The following PRKN variants were observed in gnomAD, a reference collection of about 807,000 sequenced individuals.
PRKN encodes the protein E3 ubiquitin-protein ligase parkin.
A neutral mutation model predicts 59.5 loss-of-function variants in PRKN; 56 were observed. That is an observed-to-expected ratio of 0.94 (90% CI 0.76 to 1.18). The LOEUF (loss-of-function observed/expected upper bound fraction) is 1.18, where lower values mean the gene tolerates loss of function less well. Ranked by LOEUF, PRKN falls within the 50% of genes most tolerant of loss-of-function variation. The pLI is 0.00. For missense variants in PRKN, 657 were observed against 596.4 expected (o/e 1.10, Z -1.06); for synonymous variants, 250 against 222.1 (o/e 1.13, Z -1.12).
At position 162,158,544 on chromosome 6, in the gene PRKN, G is replaced by A. The variant is rs1174305494; in HGVS notation, c.534+42587C>T. On this transcript the variant is annotated intron_variant, in intron 4 of 11. Transcript: ENST00000366898. ...CCTCCCGGGTTTAAGCAATTCTCCTGCCTCATCCTCCAGAGTAGCTGGGAC... is the reference window on the plus strand; with the variant it reads ...CCTCCCGGGTTTAAGCAATTCTCCTACCTCATCCTCCAGAGTAGCTGGGAC... Among the ~76,000 whole-genome samples the A allele has an allele frequency of 1.3e-5, 2 of 151,640 alleles. 1 individual carries two copies. The highest frequency in any genetic ancestry group is 4.9e-5 in the African/African-American group (2 of 41,120).
chr6:162,472,470 T>TATATATATATATATATATA (rs1240412577), intron 1 of PRKN, among the ~76,000 whole-genome samples: 1 of 124,138 alleles, frequency 8.1e-6, no homozygotes, highest in Non-Finnish European at 1.7e-5. Context: ...TTATTTTATT[T>TATATATATATATATATATA]TATTTTATTT....
At chr6:162,323,747 C>T (rs953138181) in intron 2 of PRKN, among the ~76,000 whole-genome samples, 1 of 152,028 alleles carries the variant, frequency 6.6e-6, no homozygotes, top group South Asian at 2.1e-4. Context: ...AAAGGCTAAT[C>T]ATACCAAATA....
At chr6:162,598,619 G>C (rs561406626) in intron 1 of PRKN, among the ~76,000 whole-genome samples, 1 of 152,200 alleles carries the variant, frequency 6.6e-6, no homozygotes, top group South Asian at 2.1e-4. Flanking sequence ...TTGGGAGGTC[G>C]AGGCGGGCGG....
At chr6:161,888,294 C>A (rs1269188475) in intron 6 of PRKN, among the ~76,000 whole-genome samples, 2 of 152,126 alleles carry the variant, frequency 1.3e-5, no homozygotes, top group Non-Finnish European at 2.9e-5. Context: ...TACCTTCTAC[C>A]CATTCATGTT....
intron 2 of PRKN, among the ~76,000 whole-genome samples, chr6:162,384,018 C>T (rs943716785): frequency 1.3e-5 from 2 of 152,198 alleles, no homozygotes; most frequent in African/African-American, 4.8e-5. Context: ...TGAATCAGGT[C>T]TTGGCTCAAT....
At chr6:161,553,080 T>A (rs1780101956) in intron 8 of PRKN, among the ~76,000 whole-genome samples, 1 of 152,172 alleles carries the variant, frequency 6.6e-6, no homozygotes, top group Admixed American at 6.5e-5. Flanking sequence ...TTTTTCTTTA[T>A]CACTCAAGGT....
At position 161,396,814 on chromosome 6, in the gene PRKN, C is replaced by G. The variant is rs976850214; in HGVS notation, c.1084-9937G>C. 1.2e-4 allele frequency among the ~76,000 whole-genome samples: 19 copies of G among 152,168 alleles called. No individual in the cohort carries two copies. The highest frequency in any genetic ancestry group is 1.8e-4 in the Non-Finnish European group (12 of 68,040). Reference sequence around the variant, plus strand: ...GAAATGCTTTCCCTGAATACCTGGGCCCGCCCTGGGCAACTTGGGGCAAGG... The same window carrying G: ...GAAATGCTTTCCCTGAATACCTGGGGCCGCCCTGGGCAACTTGGGGCAAGG... On this transcript the variant is annotated intron_variant, in intron 9 of 11. Transcript: ENST00000366898. The surrounding 1 kb of genome is among the most constrained non-coding windows in gnomAD (Gnocchi z 5.4).
intron 1 of PRKN, among the ~76,000 whole-genome samples, chr6:162,599,614 T>G (rs1306574042): frequency 1.3e-5 from 2 of 152,140 alleles, no homozygotes; most frequent in Non-Finnish European, 2.9e-5. Context: ...CGTGGGTTAT[T>G]CAGTGACAGA....
At chr6:162,092,260 C>G (rs1290600313) in intron 4 of PRKN, among the ~76,000 whole-genome samples, 3 of 152,046 alleles carry the variant, frequency 2.0e-5, no homozygotes, top group Non-Finnish European at 2.9e-5. Context: ...GAGGCTGAGG[C>G]AGGAGAATCA....
Position 161,396,313 on chromosome 6 carries a change from T to C in PRKN, c.1084-9436A>G, listed in dbSNP as rs1583016137. Among the ~76,000 whole-genome samples the C allele has an allele frequency of 6.6e-6, 1 of 152,118 alleles. No individual in the cohort carries two copies. Among genetic ancestry groups the C allele is most frequent in the Non-Finnish European group, 1.5e-5 (1 of 68,028 alleles). On this transcript the variant is annotated intron_variant, in intron 9 of 11. Transcript: ENST00000366898. The surrounding 1 kb of genome is among the most constrained non-coding windows in gnomAD (Gnocchi z 5.4). ...CTTGTTCAATGATATGTTCACACCA[T>C]CCTGTTCATCTAAACAAACTTCTTG...
In PRKN at chr6:161,469,335, A is replaced by AT. The variant is rs1412247955; in HGVS notation, c.1083+79518dup. Among the ~76,000 whole-genome samples, 3 of 152,132 alleles carry AT rather than the reference A, an allele frequency of 2.0e-5. No individual in the cohort carries two copies. In the South Asian group the frequency reaches 6.2e-4, roughly 31 times the overall value. ...CTGTGAAGAGGTGCCTTCCGCCATG[A>AT]TGTAAGTTTCCTGAGGCCTCCCTAG... On this transcript the variant is annotated intron_variant, in intron 9 of 11. Transcript: ENST00000366898.
chr6:162,722,975 G>C (rs1262114217), intron 1 of PRKN, among the ~76,000 whole-genome samples: 1 of 152,122 alleles, frequency 6.6e-6, no homozygotes, highest in African/African-American at 2.4e-5. Flanking sequence ...GAAGCTTTGG[G>C]GTACTTAGGC....
intron 7 of PRKN, among the ~76,000 whole-genome samples, chr6:161,611,095 G>T (rs10945759): frequency 0.49 from 74,198 of 151,954 alleles, 19,313 homozygotes; most frequent in East Asian, 0.65. Context: ...TGTGGTTTTT[G>T]TCTGGTTTTA....
intron 2 of PRKN, among the ~76,000 whole-genome samples, chr6:162,408,941 C>T (rs1003111473): frequency 6.6e-6 from 1 of 151,094 alleles, no homozygotes; most frequent in Non-Finnish European, 1.5e-5. Flanking sequence ...CCCAGCTTTC[C>T]CTCTGCCTTC....
intron 3 of PRKN, among the ~76,000 whole-genome samples, chr6:162,243,337 T>C (rs1219040123): frequency 6.6e-6 from 1 of 152,124 alleles, no homozygotes; most frequent in Non-Finnish European, 1.5e-5. Context: ...TCAAATTACA[T>C]TCAAGGACTT....
At chr6:161,745,683 A>C (rs1293503698) in intron 7 of PRKN, among the ~76,000 whole-genome samples, 1 of 152,166 alleles carries the variant, frequency 6.6e-6, no homozygotes. Flanking sequence ...AATCCAGTAG[A>C]CTTTCCAGAT....
At chr6:162,050,595 A>T (rs1191900563) in intron 5 of PRKN, among the ~76,000 whole-genome samples, 1 of 152,090 alleles carries the variant, frequency 6.6e-6, no homozygotes, top group Non-Finnish European at 1.5e-5. Flanking sequence ...GACTAGACTG[A>T]CCAAGTGACT....
intron 7 of PRKN, among the ~76,000 whole-genome samples, chr6:161,766,069 A>G (rs1008380942): frequency 6.6e-6 from 1 of 152,188 alleles, no homozygotes; most frequent in Non-Finnish European, 1.5e-5. Flanking sequence ...ACAGAGATCA[A>G]TTAAAATTTG....
Position 161,429,810 on chromosome 6 carries a change from T to C in PRKN, c.1084-42933A>G, listed in dbSNP as rs1299076004. 2.6e-5 allele frequency among the ~76,000 whole-genome samples: 4 copies of C among 152,046 alleles called. No individual in the cohort carries two copies. Among genetic ancestry groups the C allele is most frequent in the East Asian group, 1.9e-4 (1 of 5,186 alleles). On this transcript the variant is annotated intron_variant, in intron 9 of 11. Coordinates refer to ENST00000366898, the MANE Select transcript of PRKN (RefSeq NM_004562.3). The surrounding 1 kb of genome is among the most constrained non-coding windows in gnomAD (Gnocchi z 4.2). ...ACCTGGAAATATTCATGGCTCCAGG[T>C]AGCTACCAAGAGAAGACTTCATTTT...
Sources: gnomAD v4.1 joint callset for allele counts (sites outside exome capture counted in the v4.1 genomes callset) on GRCh38, gnomAD v4.1.1 for gene constraint, Gnocchi (gnomAD v3.1) non-coding constraint, MANE v1.5 for transcripts, NCBI Gene and HGNC (gene_info 2026-07-23, HGNC 2026-07-21) for gene names.